The following DLGAP2 variants were observed in gnomAD, a reference collection of about 807,000 sequenced individuals.
The protein encoded by DLGAP2 is DLG associated protein 2, also known as disks large-associated protein 2.
A neutral mutation model predicts 100.3 loss-of-function variants in DLGAP2; 26 were observed. The ratio of observed to expected loss-of-function variants is 0.26; its 90% CI spans 0.19 to 0.36. The LOEUF (loss-of-function observed/expected upper bound fraction) is 0.36, where lower values mean the gene tolerates loss of function less well. Among genes scored for constraint, DLGAP2 ranks in the 10% least tolerant of loss-of-function variants. DLGAP2 has a pLI of 1.00. For missense variants in DLGAP2, 1,858 were observed against 1,453.2 expected, an observed-to-expected ratio of 1.28 and a Z score of -4.53; for synonymous variants, 886 against 630.1, an observed-to-expected ratio of 1.41 and a Z score of -6.08.
At chr8:763,525 A>G (rs1322955241) in intron 1 of DLGAP2, among the ~76,000 whole-genome samples, 3 of 152,196 alleles carry the variant, frequency 2.0e-5, no homozygotes, top group Admixed American at 2.0e-4. Flanking sequence ...ACCATTCCTC[A>G]TAGAATTTGC....
intron 3 of DLGAP2, among the ~76,000 whole-genome samples, chr8:1,303,767 G>A (rs1488538339): frequency 6.6e-6 from 1 of 152,060 alleles, no homozygotes; most frequent in Non-Finnish European, 1.5e-5. Flanking sequence ...CTTCTCATAG[G>A]GGCTAAATTA....
chr8:1,435,523 T>C (rs1304293034), intron 3 of DLGAP2, among the ~76,000 whole-genome samples: 1 of 152,102 alleles, frequency 6.6e-6, no homozygotes, highest in East Asian at 1.9e-4. Flanking sequence ...CGTACGGAAG[T>C]GTAGCCGTAG....
intron 3 of DLGAP2, among the ~76,000 whole-genome samples, chr8:1,455,381 C>T (rs1206125919): frequency 6.6e-6 from 1 of 152,218 alleles, no homozygotes; most frequent in South Asian, 2.1e-4. Context: ...CACATGAGTC[C>T]CCCTGCCCCT....
chr8:764,716 A>G (rs1016536477), intron 1 of DLGAP2, among the ~76,000 whole-genome samples: 2 of 152,204 alleles, frequency 1.3e-5, no homozygotes, highest in Non-Finnish European at 2.9e-5. Context: ...TTGTGGTTGT[A>G]GTAGAGGAAT....
intron 2 of DLGAP2, among the ~76,000 whole-genome samples, chr8:948,091 C>T (rs912129595): frequency 3.0e-4 from 45 of 152,222 alleles, no homozygotes; most frequent in African/African-American, 9.9e-4. Flanking sequence ...CATGCCAGCC[C>T]GCGTGCGCCA....
chr8:1,242,866 G>T (rs1310697589), intron 2 of DLGAP2, among the ~76,000 whole-genome samples: 1 of 151,830 alleles, frequency 6.6e-6, no homozygotes, highest in East Asian at 1.9e-4. Context: ...ATGGACGGAT[G>T]TGTGGATGGT....
chr8:1,287,887 G>GTA (rs1418519686), intron 3 of DLGAP2, among the ~76,000 whole-genome samples: 1 of 143,792 alleles, frequency 7.0e-6, no homozygotes, highest in Admixed American at 6.9e-5. Context: ...TTCAGCATGT[G>GTA]TGTGTGTGTG....
intron 2 of DLGAP2, chr8:1,104,938 T>C (rs1045730914): frequency 2.6e-5 from 4 of 152,184 alleles, no homozygotes; most frequent in Non-Finnish European, 5.9e-5. Context: ...ATCTCTGCCA[T>C]CTCGTGCTCG....
chr8:1,270,409 C>T (rs1269915715), intron 3 of DLGAP2, among the ~76,000 whole-genome samples: 1 of 152,202 alleles, frequency 6.6e-6, no homozygotes, highest in Non-Finnish European at 1.5e-5. Context: ...TTATAGGATG[C>T]AGAAGCATTT....
At chr8:1,417,331 C>G (rs1193283491) in intron 3 of DLGAP2, among the ~76,000 whole-genome samples, 1 of 151,850 alleles carries the variant, frequency 6.6e-6, no homozygotes, top group Non-Finnish European at 1.5e-5. Context: ...TCGACAGCAT[C>G]TCACCGCATG....
intron 2 of DLGAP2, among the ~76,000 whole-genome samples, chr8:967,819 TATATATATATATATATATATATA>T (rs1563119211): frequency 0.11 from 3,058 of 26,810 alleles, 433 homozygotes; most frequent in Admixed American, 0.2. Context: ...AACACCACTA[TATATATATATATATATATATATA>T]TATATATATA....
chr8:1,246,157 T>G (rs1798896974), intron 2 of DLGAP2, among the ~76,000 whole-genome samples: 1 of 152,202 alleles, frequency 6.6e-6, no homozygotes, highest in Non-Finnish European at 1.5e-5. Flanking sequence ...TGCTTTGTAA[T>G]TACTCCATAG....
At chr8:1,260,994 C>A (rs1401247429) in intron 3 of DLGAP2, among the ~76,000 whole-genome samples, 1 of 152,218 alleles carries the variant, frequency 6.6e-6, no homozygotes, top group Non-Finnish European at 1.5e-5. Flanking sequence ...ACTGTCGGCT[C>A]CCAGCAAATG....
intron 3 of DLGAP2, among the ~76,000 whole-genome samples, chr8:1,287,394 G>T (rs530890063): frequency 7.1e-6 from 1 of 141,606 alleles, no homozygotes; most frequent in African/African-American, 2.7e-5. Flanking sequence ...ATGTGGTTTT[G>T]TTAGGAGGGG....
At chr8:1,458,290 C>T (rs994772345) in intron 3 of DLGAP2, among the ~76,000 whole-genome samples, 2 of 152,002 alleles carry the variant, frequency 1.3e-5, no homozygotes, top group Non-Finnish European at 2.9e-5. Context: ...TTTTAAAATT[C>T]TGGTCATTGA....
intron 2 of DLGAP2, among the ~76,000 whole-genome samples, chr8:972,396 C>T (rs903713126): frequency 1.3e-5 from 2 of 152,116 alleles, no homozygotes; most frequent in Admixed American, 6.5e-5. Flanking sequence ...AAAGTGGACA[C>T]TGACAAGAAC....
At chr8:1,576,099 TC>T (rs1483128731) in intron 6 of DLGAP2, among the ~76,000 whole-genome samples, 6 of 152,176 alleles carry the variant, frequency 3.9e-5, no homozygotes, top group Non-Finnish European at 8.8e-5. Flanking sequence ...GTAAAAGTGT[TC>T]CTATTTCTCC....
chr8:1,523,649 C>G (rs895032106), intron 4 of DLGAP2, among the ~76,000 whole-genome samples: 1 of 152,210 alleles, frequency 6.6e-6, no homozygotes, highest in African/African-American at 2.4e-5. Flanking sequence ...GGTCCATAAA[C>G]ATACCCCGAG....
chr8:1,159,522 G>A (rs925201453), intron 2 of DLGAP2, among the ~76,000 whole-genome samples: 1 of 152,118 alleles, frequency 6.6e-6, no homozygotes, highest in Non-Finnish European at 1.5e-5. Flanking sequence ...TGGATTTTTA[G>A]TTATTAGAGT....
Sources: gnomAD v4.1 joint callset for allele counts (sites outside exome capture counted in the v4.1 genomes callset) on GRCh38, gnomAD v4.1.1 for gene constraint, MANE v1.5 for transcripts, NCBI Gene and HGNC (gene_info 2026-07-23, HGNC 2026-07-21) for gene names.